Variants in TSHZ3 observed in about 807,000 individuals in gnomAD.
TSHZ3 encodes the protein teashirt zinc finger homeobox 3.
In TSHZ3, 10 loss-of-function variants were observed where a neutral mutation model predicts 64.5. The ratio of observed to expected loss-of-function variants is 0.16; its 90% CI spans 0.10 to 0.26. TSHZ3 has a LOEUF of 0.26. Ranked by LOEUF, TSHZ3 falls within the 10% of genes least tolerant of loss-of-function variation. TSHZ3 has a pLI of 1.00. For synonymous variants in TSHZ3, 608 were observed against 593.1 expected (o/e 1.03, Z -0.36); for missense variants, 1,242 against 1,421.7 (o/e 0.87, Z 2.03).
chr19:31,233,566 G>T (rs1039135793), intron 3 of TSHZ3, among the ~76,000 whole-genome samples: 1 of 151,946 alleles, frequency 6.6e-6, no homozygotes, highest in Admixed American at 6.6e-5. Flanking sequence ...CAATGTCTTC[G>T]GCAGGGCAAG....
At chr19:31,188,041 T>C (rs1974841082) in intron 5 of TSHZ3, among the ~76,000 whole-genome samples, 1 of 152,070 alleles carries the variant, frequency 6.6e-6, no homozygotes, top group Admixed American at 6.6e-5. Flanking sequence ...TCCATGAACA[T>C]GGTATATATC....
chr19:31,310,686 T>C (rs1036526068), intron 1 of TSHZ3, among the ~76,000 whole-genome samples: 3 of 152,224 alleles, frequency 2.0e-5, no homozygotes, highest in East Asian at 1.9e-4. Context: ...GTCCATCTTC[T>C]GTTCTGTCCT....
chr19:31,334,854 T>C (rs1009533243), intron 1 of TSHZ3, among the ~76,000 whole-genome samples: 3 of 152,142 alleles, frequency 2.0e-5, no homozygotes, highest in African/African-American at 7.2e-5. Flanking sequence ...GGGACGGAGA[T>C]GCTGAAATCC....
At chr19:31,249,595 T>G (rs1975807910) in intron 1 of TSHZ3, among the ~76,000 whole-genome samples, 1 of 152,194 alleles carries the variant, frequency 6.6e-6, no homozygotes, top group Admixed American at 6.5e-5. Context: ...TAAAATTGAA[T>G]TCCTCAGGCA....
intron 1 of TSHZ3, among the ~76,000 whole-genome samples, chr19:31,303,370 C>T (rs558506495): frequency 4.1e-4 from 63 of 152,344 alleles, no homozygotes; most frequent in Middle Eastern, 3.4e-3. Flanking sequence ...AGGACAGAGA[C>T]GGCAGCCTCT....
At chr19:31,176,439 AAAC>A (rs1457547623) in intron 5 of TSHZ3, among the ~76,000 whole-genome samples, 1 of 152,252 alleles carries the variant, frequency 6.6e-6, no homozygotes, top group Non-Finnish European at 1.5e-5. Flanking sequence ...GTGAATATCC[AAAC>A]AACCCATGAA....
In TSHZ3 at chr19:31,276,964, C is replaced by T; in HGVS notation, c.2829G>A (p.Met943Ile). 6.2e-7 allele frequency: 1 copy of T among 1,614,062 alleles called. No homozygotes were observed. ...MHISRFTGLSMTTISHWLANV... is the reference protein window; with the variant it reads ...MHISRFTGLSITTISHWLANV... ...TGGCCAGCCAGTGGCTGATGGTGGT[C>T]ATGGACAGCCCGGTGAACCTGGAGA... is the stretch of plus-strand genomic sequence containing the variant. The change falls in exon 2 of 2, where the codon ATG (methionine) becomes ATA (isoleucine). Residue 943 changes from methionine (M) to isoleucine (I), a missense_variant. Physicochemically the swap from Met to Ile is conservative, Grantham distance 10 (BLOSUM62 1). Around this residue, in one of 4 missense-constraint regions of TSHZ3, gnomAD observed 550 missense variants for 545.1 expected, o/e 1.01. Transcript: ENST00000240587.
chr19:31,339,276 A>C (rs551499895), intron 1 of TSHZ3, among the ~76,000 whole-genome samples: 1 of 152,180 alleles, frequency 6.6e-6, no homozygotes, highest in South Asian at 2.1e-4. Context: ...GGGGAAAAAA[A>C]GTCAGAAGAG....
chr19:31,154,726 C>T (rs1412432249), intron 6 of TSHZ3, among the ~76,000 whole-genome samples: 1 of 152,236 alleles, frequency 6.6e-6, no homozygotes, highest in African/African-American at 2.4e-5. Flanking sequence ...GGTTCCATCC[C>T]ATCCTCCCAG....
In TSHZ3 at chr19:31,279,624, G is replaced by C. The variant is rs775563767; in HGVS notation, c.169C>G (p.Pro57Ala). ...CPEKELARAC[P>A]SYQNSPAAEF... ...GCGGCCGGGGAGTTCTGGTAGCTGG[G>C]GCAGGCCCTGGCGAGCTCCTTCTCC... The change falls in exon 2 of 2, where the codon CCC (proline) becomes GCC (alanine). Residue 57 changes from proline (P) to alanine (A), a missense_variant. By Grantham distance (27) the Pro-to-Ala change is conservative. Coordinates refer to ENST00000240587, the MANE Select transcript of TSHZ3 (RefSeq NM_020856.4). This position sits in a 1 kb window ranked among gnomAD's most constrained non-coding sequence, Gnocchi z 6.4. 5.6e-6 allele frequency: 9 copies of C among 1,611,740 alleles called. No individual in the cohort carries two copies. The highest frequency in any genetic ancestry group is 7.6e-6 in the Non-Finnish European group (9 of 1,178,770).
chr19:31,172,741 G>A lies in TSHZ3; in HGVS notation n.810-16324C>T, dbSNP rs369354791. Among the ~76,000 whole-genome samples, 3 of 152,228 alleles carry A rather than the reference G, an allele frequency of 2.0e-5. No homozygotes were observed. In the East Asian group the frequency reaches 5.8e-4, roughly 29 times the overall value. On this transcript the variant is annotated intron_variant and non_coding_transcript_variant, in intron 5 of 6. Transcript: ENST00000651361. ...CCTGAAGCAAGCTAAGCAGTTGGCA[G>A]CGGCAATGTAAATAGGATGAACAAG...
chr19:31,277,425 T>C lies in TSHZ3; in HGVS notation c.2368A>G (p.Ile790Val). The C allele has an allele frequency of 6.2e-7, 1 of 1,613,942 alleles. No homozygotes were observed. The highest frequency in any genetic ancestry group is 8.5e-7 in the Non-Finnish European group (1 of 1,179,988). Reference sequence around the variant, plus strand: ...TCACTCTTCCCTTTTGTCAAGTCTATGGGCTGGTCGTTGTTGACGTGGTAG... The same window carrying C: ...TCACTCTTCCCTTTTGTCAAGTCTACGGGCTGGTCGTTGTTGACGTGGTAG... ...YFYHVNNDQPIDLTKGKSDKG... is the reference protein window; with the variant it reads ...YFYHVNNDQPVDLTKGKSDKG... The change falls in exon 2 of 2, where the codon ATA becomes GTA. Residue 790 changes from isoleucine (I) to valine (V), a missense_variant. By Grantham distance (29) the Ile-to-Val change is conservative (BLOSUM62 3). Transcript: ENST00000240587. The surrounding 1 kb of genome is among the most constrained non-coding windows in gnomAD (Gnocchi z 4.5).
intron 5 of TSHZ3, among the ~76,000 whole-genome samples, chr19:31,163,147 G>A (rs1974391733): frequency 6.6e-6 from 1 of 152,168 alleles, no homozygotes; most frequent in Non-Finnish European, 1.5e-5. Context: ...GAAAGGATAA[G>A]CTTTGTTGGA....
At chr19:31,218,615 G>C (rs1207881565) in intron 4 of TSHZ3, among the ~76,000 whole-genome samples, 1 of 152,182 alleles carries the variant, frequency 6.6e-6, no homozygotes, top group African/African-American at 2.4e-5. Flanking sequence ...TGTGTAATAG[G>C]TTTATTAATA....
At chr19:31,251,562 G>T (rs1975842515) in intron 1 of TSHZ3, among the ~76,000 whole-genome samples, 1 of 152,180 alleles carries the variant, frequency 6.6e-6, no homozygotes, top group Non-Finnish European at 1.5e-5. Flanking sequence ...GGAAGCAGAA[G>T]AGGTGGTCTT....
At chr19:31,328,645 T>G (rs535966187) in intron 1 of TSHZ3, among the ~76,000 whole-genome samples, 48 of 152,350 alleles carry the variant, frequency 3.2e-4, no homozygotes, top group African/African-American at 1.0e-3. Flanking sequence ...AGAGTGTCTC[T>G]CTCCTTTCAT....
intron 1 of TSHZ3, among the ~76,000 whole-genome samples, chr19:31,340,958 C>T (rs1163542484): frequency 6.6e-6 from 1 of 152,250 alleles, no homozygotes; most frequent in Non-Finnish European, 1.5e-5. Context: ...CTGTAACACA[C>T]CTTTTTCTTC....
At chr19:31,237,944 T>C (rs1450882695) in intron 3 of TSHZ3, among the ~76,000 whole-genome samples, 1 of 152,232 alleles carries the variant, frequency 6.6e-6, no homozygotes, top group Non-Finnish European at 1.5e-5. Flanking sequence ...TTTAACGCCA[T>C]GTGGTCAGAA....
chr19:31,193,217 G>A (rs983150599), intron 5 of TSHZ3, among the ~76,000 whole-genome samples: 7 of 151,982 alleles, frequency 4.6e-5, no homozygotes, highest in African/African-American at 1.2e-4. Context: ...CATATGACGC[G>A]ACATATCTGG....
Sources: allele counts gnomAD v4.1 joint callset (sites outside exome capture counted in the v4.1 genomes callset), GRCh38; gene constraint gnomAD v4.1.1; regional missense constraint gnomAD v4.1.1; non-coding constraint Gnocchi (gnomAD v3.1); transcripts MANE v1.5; gene names NCBI Gene and HGNC (gene_info 2026-07-23, HGNC 2026-07-21).